The following RALYL variants were observed in gnomAD, a reference collection of about 807,000 sequenced individuals.
The protein encoded by RALYL is RALY RNA binding protein like, also known as RNA-binding Raly-like protein.
A neutral mutation model predicts 35.1 loss-of-function variants in RALYL; 29 were observed. The ratio of observed to expected loss-of-function variants is 0.83; its 90% confidence interval spans 0.61 to 1.13. The LOEUF (loss-of-function observed/expected upper bound fraction) is 1.13. Among genes scored for constraint, RALYL ranks in the 50% most tolerant of loss-of-function variants. The pLI is 0.00. For missense variants in RALYL, 359 were observed against 360.4 expected, an observed-to-expected ratio of 1.00 and a Z score of 0.03; for synonymous variants, 120 against 127.6, an observed-to-expected ratio of 0.94 and a Z score of 0.40.
rs192521844 is a variant in RALYL, at chr8:84,699,819, C to G, written c.257-74760C>G. Among the ~76,000 whole-genome samples the G allele has an allele frequency of 5.9e-5, 9 of 152,102 alleles. No individual in the cohort carries two copies. In the East Asian group the frequency reaches 1.7e-3, roughly 29 times the overall value. Reference sequence around the variant, plus strand: ...CTATCATCCGAAAAGAGACCTTGTACCTTTTTAGGTTCAGGATTATTTTAC... The same window carrying G: ...CTATCATCCGAAAAGAGACCTTGTAGCTTTTTAGGTTCAGGATTATTTTAC... On this transcript the variant is annotated intron_variant, in intron 2 of 8. Coordinates refer to ENST00000521268, the MANE Select transcript of RALYL (RefSeq NM_173848.7).
At chr8:84,854,965 C>T (rs1323129704) in intron 5 of RALYL, among the ~76,000 whole-genome samples, 2 of 152,064 alleles carry the variant, frequency 1.3e-5, no homozygotes, top group Admixed American at 6.6e-5. Flanking sequence ...TTTGAGGGAG[C>T]GTGGAGTGGC....
At position 84,236,317 on chromosome 8, in the gene RALYL, T is replaced by A. The variant is rs139701564; in HGVS notation, c.-24+51893T>A. Among the ~76,000 whole-genome samples the A allele has an allele frequency of 7.9e-4, 120 of 152,236 alleles. 5 individuals carry two copies. In the East Asian group the frequency reaches 0.022, roughly 28 times the overall value. ...TATACATAAATTACAGTAATCAAAA[T>A]TTATGTTAAGCACAGGCAGTGAATT... On this transcript the variant is annotated intron_variant, in intron 1 of 8. Coordinates refer to ENST00000521268, the MANE Select transcript of RALYL (RefSeq NM_173848.7).
At chr8:84,431,601 G>T (rs1461577218) in intron 1 of RALYL, among the ~76,000 whole-genome samples, 2 of 152,070 alleles carry the variant, frequency 1.3e-5, no homozygotes, top group Non-Finnish European at 2.9e-5. Flanking sequence ...TTCTCTAGTT[G>T]TATAGTATCA....
chr8:84,318,513 C>A (rs919208757), intron 1 of RALYL, among the ~76,000 whole-genome samples: 9 of 152,164 alleles, frequency 5.9e-5, no homozygotes, highest in African/African-American at 2.2e-4. Context: ...CCTTCACTGA[C>A]TTCATAAATT....
chr8:84,332,347 G>C (rs1286644785), intron 1 of RALYL, among the ~76,000 whole-genome samples: 1 of 152,098 alleles, frequency 6.6e-6, no homozygotes, highest in Non-Finnish European at 1.5e-5. Context: ...GGACAGGAAA[G>C]AATCCATAGA....
chr8:84,402,115 G>A (rs16912791), intron 1 of RALYL, among the ~76,000 whole-genome samples: 4,313 of 152,042 alleles, frequency 0.028, 196 homozygotes, highest in African/African-American at 0.098. Context: ...TCTGCTTTCC[G>A]TGTGAGTTGT....
chr8:84,581,255 T>C (rs760350608), intron 2 of RALYL, among the ~76,000 whole-genome samples: 5 of 152,206 alleles, frequency 3.3e-5, no homozygotes, highest in East Asian at 1.9e-4. Context: ...GACATAGATC[T>C]TCCCTCTTTA....
At chr8:84,315,349 T>C (rs1843540591) in intron 1 of RALYL, among the ~76,000 whole-genome samples, 2 of 152,322 alleles carry the variant, frequency 1.3e-5, no homozygotes, top group South Asian at 4.1e-4. Flanking sequence ...TTATACTAAA[T>C]GATTTGCCAA....
intron 2 of RALYL, among the ~76,000 whole-genome samples, chr8:84,764,599 C>T (rs1237784820): frequency 6.6e-6 from 1 of 152,076 alleles, no homozygotes; most frequent in African/African-American, 2.4e-5. Context: ...AGCCTGGGAG[C>T]ATGGAGAATT....
chr8:84,547,104 T>C (rs1431670942), intron 2 of RALYL, among the ~76,000 whole-genome samples: 2 of 152,134 alleles, frequency 1.3e-5, no homozygotes, highest in African/African-American at 4.8e-5. Context: ...GTATTTATCC[T>C]AATGCTCTCC....
At chr8:84,787,496 C>G (rs1420108302) in intron 3 of RALYL, among the ~76,000 whole-genome samples, 1 of 152,132 alleles carries the variant, frequency 6.6e-6, no homozygotes, top group African/African-American at 2.4e-5. Context: ...GCGCATGTGT[C>G]TTTATAGTAG....
At chr8:84,559,121 T>A (rs1024004411) in intron 2 of RALYL, among the ~76,000 whole-genome samples, 5 of 151,784 alleles carry the variant, frequency 3.3e-5, no homozygotes, top group African/African-American at 9.7e-5. Context: ...CTGAGTGATA[T>A]TTTTTTTAAA....
chr8:84,291,106 A>C (rs1234213835), intron 1 of RALYL, among the ~76,000 whole-genome samples: 2 of 152,188 alleles, frequency 1.3e-5, no homozygotes. Flanking sequence ...CAAGCTTAAA[A>C]GTATGTAATT....
intron 2 of RALYL, among the ~76,000 whole-genome samples, chr8:84,719,456 A>G (rs1281208420): frequency 6.6e-6 from 1 of 152,154 alleles, no homozygotes; most frequent in African/African-American, 2.4e-5. Flanking sequence ...TTCTACTGAC[A>G]ACCCTAATTT....
intron 1 of RALYL, among the ~76,000 whole-genome samples, chr8:84,451,080 A>G (rs541501825): frequency 1.1e-4 from 16 of 152,016 alleles, no homozygotes; most frequent in Non-Finnish European, 2.1e-4. Context: ...AGCATTTCCA[A>G]TTTCTATTCG....
In RALYL at chr8:84,887,596, C is replaced by CG; in HGVS notation, c.686-8_686-7insG. 6.3e-7 allele frequency: 1 copy of CG among 1,599,052 alleles called. No homozygotes were observed. The highest frequency in any genetic ancestry group is 1.8e-5 in the Admixed American group (1 of 56,956). On this transcript the variant is annotated splice_region_variant and splice_polypyrimidine_tract_variant and intron_variant, in intron 7 of 8. Transcript: ENST00000521268. ...AGGTAGTAGTCATTTGCTTTCTCCC[C>CG]CCCCCAGAAGCTCAGAAGAAGCAAT...
At chr8:84,202,624 G>A (rs1188117744) in intron 1 of RALYL, among the ~76,000 whole-genome samples, 3 of 151,886 alleles carry the variant, frequency 2.0e-5, no homozygotes, top group Non-Finnish European at 2.9e-5. Context: ...CACCCACCTT[G>A]GCCTCCCAAA....
At chr8:84,564,925 T>G (rs2061682977) in intron 2 of RALYL, among the ~76,000 whole-genome samples, 1 of 151,706 alleles carries the variant, frequency 6.6e-6, no homozygotes, top group East Asian at 1.9e-4. Flanking sequence ...TAGGCAAGTA[T>G]CTGCTCATGC....
At chr8:84,629,642 A>T in intron 2 of RALYL, among the ~76,000 whole-genome samples, 1 of 152,056 alleles carries the variant, frequency 6.6e-6, no homozygotes, top group East Asian at 1.9e-4. Flanking sequence ...ATGACAGAAC[A>T]GTCTGTGTAA....
Sources: gnomAD v4.1 joint callset for allele counts (sites outside exome capture counted in the v4.1 genomes callset) on GRCh38, gnomAD v4.1.1 for gene constraint, MANE v1.5 for transcripts, NCBI Gene and HGNC (gene_info 2026-07-23, HGNC 2026-07-21) for gene names.